The following JAK1 variants were observed in gnomAD, a reference collection of about 807,000 sequenced individuals.
JAK1 encodes the protein tyrosine-protein kinase JAK1.
In JAK1, 16 loss-of-function variants were observed where a neutral mutation model predicts 136.6. That is an observed-to-expected ratio of 0.12 (90% CI 0.08 to 0.18). The LOEUF is 0.18. Ranked by LOEUF, JAK1 falls within the 10% of genes least tolerant of loss-of-function variation. The probability of loss-of-function intolerance (pLI) is 1.00; values close to 1 mark genes in which losing one functional copy is unlikely to be tolerated. For synonymous variants in JAK1, 492 were observed against 519.5 expected (o/e 0.95, Z 0.72); for missense variants, 859 against 1,450.1 (o/e 0.59, Z 6.62).
chr1:64,876,952 A>C (rs1644680452), intron 4 of JAK1, among the ~76,000 whole-genome samples: 1 of 152,216 alleles, frequency 6.6e-6, no homozygotes. Flanking sequence ...GCTTCTATAA[A>C]ATGTTTTAAT....
In JAK1 at chr1:64,873,267, A is replaced by T. The variant is rs563581876; in HGVS notation, c.483+103T>A. 207 of 1,381,082 alleles carry T rather than the reference A, an allele frequency of 1.5e-4. No individual in the cohort carries two copies. The East Asian group carries it at 4.6e-3, about 31-fold the overall frequency. 85.6% of individuals were successfully genotyped at this position (1,381,082 alleles called of 1,614,324 possible). A position where few individuals can be genotyped will look rare whatever the true frequency, so the allele number is the denominator to read the frequency against. On this transcript the variant is annotated intron_variant, in intron 5 of 24. Transcript: ENST00000342505. ...AGAACTTACCCAGAACAGGCCTTAAAGCACTCTAGCACCACCAAGTTCAGC... is the reference window on the plus strand; with the variant it reads ...AGAACTTACCCAGAACAGGCCTTAATGCACTCTAGCACCACCAAGTTCAGC...
At chr1:65,005,170 C>T (rs1646793707) in intron 2 of JAK1, among the ~76,000 whole-genome samples, 1 of 151,968 alleles carries the variant, frequency 6.6e-6, no homozygotes, top group African/African-American at 2.4e-5. Context: ...ATGATGAAGC[C>T]CCATCTCTAC....
Position 64,845,633 on chromosome 1 carries a change from C to T in JAK1, c.1995G>A (p.Met665Ile). The change falls in exon 15 of 25, where the codon ATG (methionine) becomes ATA (isoleucine). Residue 665 changes from methionine (M) to isoleucine (I), a missense_variant. Met to Ile is a conservative substitution (Grantham distance 10). Transcript: ENST00000342505. Reference protein sequence around the residue: ...GVCVRDVENIMVEEFVEGGPL... With the variant: ...GVCVRDVENIIVEEFVEGGPL... ...GACCCCCTTCCACAAACTCTTCCAC[C>T]ATGATATCTGTAGGCATAAAAATAG... The T allele has an allele frequency of 6.2e-7, 1 of 1,614,188 alleles. No homozygotes were observed. Among genetic ancestry groups the T allele is most frequent in the Non-Finnish European group, 8.5e-7 (1 of 1,180,030 alleles).
intron 1 of JAK1, among the ~76,000 whole-genome samples, chr1:64,961,381 T>C (rs1646280090): frequency 6.6e-6 from 1 of 152,314 alleles, no homozygotes; most frequent in Non-Finnish European, 1.5e-5. Flanking sequence ...TCACCCTTCA[T>C]AGAACTCTCA....
chr1:64,841,418 A>G (rs963511356), intron 18 of JAK1, 33 bp downstream of exon 18: 4 of 1,613,958 alleles, frequency 2.5e-6, no homozygotes, highest in Non-Finnish European at 2.5e-6. Context: ...TTTCTCCCCA[A>G]GCTGGGTTAA....
intron 1 of JAK1, among the ~76,000 whole-genome samples, chr1:64,908,926 A>C (rs1257799088): frequency 6.6e-6 from 1 of 152,216 alleles, no homozygotes; most frequent in Non-Finnish European, 1.5e-5. Context: ...CAAAAAGCCC[A>C]GACCCAAGAA....
intron 2 of JAK1, among the ~76,000 whole-genome samples, chr1:64,975,868 G>C (rs764495080): frequency 6.6e-6 from 1 of 152,174 alleles, no homozygotes; most frequent in Non-Finnish European, 1.5e-5. Context: ...GATTCCCCCT[G>C]TCACGATGGT....
At chr1:64,939,304 C>T (rs1274452679) in intron 1 of JAK1, among the ~76,000 whole-genome samples, 1 of 152,190 alleles carries the variant, frequency 6.6e-6, no homozygotes, top group African/African-American at 2.4e-5. Flanking sequence ...CTAAGGGTGA[C>T]CATACAGCTA....
At chr1:65,043,700 A>AT (rs112982943) in intron 2 of JAK1, among the ~76,000 whole-genome samples, 2,977 of 100,938 alleles carry the variant, frequency 0.029, 51 homozygotes, top group East Asian at 0.05. Flanking sequence ...CACCTGGCTA[A>AT]TTTTTTTTTT....
chr1:64,965,778 C>T (rs894269261), intron 1 of JAK1, among the ~76,000 whole-genome samples: 8 of 151,428 alleles, frequency 5.3e-5, no homozygotes, highest in Admixed American at 3.3e-4. Context: ...GGGGGCGTTT[C>T]CCGAGTTCGC....
chr1:65,004,581 T>C (rs751389135), intron 2 of JAK1, among the ~76,000 whole-genome samples: 1 of 152,210 alleles, frequency 6.6e-6, no homozygotes, highest in Non-Finnish European at 1.5e-5. Context: ...TTGACGTTTC[T>C]AGGCTGACCA....
intron 1 of JAK1, among the ~76,000 whole-genome samples, chr1:65,059,822 C>G (rs971627145): frequency 9.9e-5 from 15 of 152,062 alleles, no homozygotes; most frequent in Non-Finnish European, 2.9e-5. Flanking sequence ...TGCTCAATTT[C>G]AAAGACTCAT....
At chr1:64,924,511 G>C (rs983307475) in intron 1 of JAK1, among the ~76,000 whole-genome samples, 3 of 152,134 alleles carry the variant, frequency 2.0e-5, no homozygotes, top group African/African-American at 7.2e-5. Context: ...CAAACAACAA[G>C]GGTCCACTGC....
chr1:64,836,523 C>T (rs1654490334), intron 22 of JAK1, among the ~76,000 whole-genome samples: 1 of 151,852 alleles, frequency 6.6e-6, no homozygotes, highest in Non-Finnish European at 1.5e-5. Context: ...AATGATGAGC[C>T]CCAGGTCTGA....
chr1:64,999,735 TA>T (rs77414910), intron 2 of JAK1, among the ~76,000 whole-genome samples: 27,406 of 130,242 alleles, frequency 0.21, 3,621 homozygotes, highest in African/African-American at 0.4. Flanking sequence ...ACCCTCTCTT[TA>T]AAAAAAAAAA....
At chr1:64,886,482 A>C in intron 1 of JAK1, 141 bp from the exon 2 acceptor site, 2 of 521,024 alleles carry the variant, frequency 3.8e-6, no homozygotes, top group Non-Finnish European at 6.6e-6. Flanking sequence ...AAAACAAAAC[A>C]AAACAAAAAA....
chr1:65,051,796 AAT>A (rs1288942284), intron 1 of JAK1, among the ~76,000 whole-genome samples: 6 of 152,228 alleles, frequency 3.9e-5, no homozygotes, highest in African/African-American at 1.2e-4. Flanking sequence ...TGGAAAATAA[AAT>A]ACAGTAATAG....
At chr1:64,859,365 C>A (rs1040499536) in intron 9 of JAK1, among the ~76,000 whole-genome samples, 1 of 152,238 alleles carries the variant, frequency 6.6e-6, no homozygotes, top group African/African-American at 2.4e-5. Flanking sequence ...AAGCCAACTA[C>A]AGCTCCATAT....
chr1:64,970,316 C>G (rs985623632), upstream of JAK1, among the ~76,000 whole-genome samples: 1 of 151,420 alleles, frequency 6.6e-6, no homozygotes, highest in Non-Finnish European at 1.5e-5. Context: ...TGGTGGGCAC[C>G]TGTAATTCCA....
Sources: allele counts gnomAD v4.1 joint callset (sites outside exome capture counted in the v4.1 genomes callset), GRCh38; gene constraint gnomAD v4.1.1; transcripts MANE v1.5; gene names NCBI Gene and HGNC (gene_info 2026-07-23, HGNC 2026-07-21).